The following COMMD5 variants were observed in gnomAD, a reference collection of about 807,000 sequenced individuals.
The protein encoded by COMMD5 is COMM domain-containing protein 5.
In COMMD5, 10 loss-of-function variants were observed where a neutral mutation model predicts 6.9. The observed-to-expected ratio is 1.44, with a 90% confidence interval of 0.89 to 2.45. The LOEUF is 2.45. Among genes scored for constraint, COMMD5 ranks in the 30% most tolerant of loss-of-function variants. The pLI is 0.00. For missense variants in COMMD5, 234 were observed against 287.8 expected (o/e 0.81, Z 1.35); for synonymous variants, 127 against 125.3 (o/e 1.01, Z -0.09).
exon 2 of COMMD5, chr8:144,841,477 G>T: frequency 6.2e-7 from 1 of 1,614,224 alleles, no homozygotes. Context: ...TGGCTTTGGA[G>T]ACGTTTCTGA....
At chr8:144,843,325 T>A (rs2722488) in intron 1 of COMMD5, 4 of 926,634 alleles carry the variant, frequency 4.3e-6, no homozygotes, top group Non-Finnish European at 6.2e-6. Flanking sequence ...TGTGGTGGCT[T>A]ATGCCTGTCA....
At chr8:144,843,061 C>T in intron 1 of COMMD5, 1 of 1,614,134 alleles carries the variant, frequency 6.2e-7, no homozygotes, top group Non-Finnish European at 8.5e-7. Flanking sequence ...CCTAATTATA[C>T]ACCAGAGAAT....
chr8:144,843,180 A>G, intron 1 of COMMD5: 2 of 1,553,466 alleles, frequency 1.3e-6, no homozygotes, highest in Non-Finnish European at 1.7e-6. Flanking sequence ...CCACTTACAT[A>G]TAAATGTGTA....
chr8:144,842,032 G>A, intron 1 of COMMD5: 1 of 1,613,736 alleles, frequency 6.2e-7, no homozygotes, highest in Non-Finnish European at 8.5e-7. Flanking sequence ...CTACAGATGT[G>A]AGGAATGTGG....
exon 2 of COMMD5, chr8:144,841,296 G>C: frequency 6.6e-7 from 1 of 1,517,156 alleles, no homozygotes. Flanking sequence ...CGCATTTGTA[G>C]TCTTATCATT....
chr8:144,842,229 C>G, intron 1 of COMMD5: 1 of 1,614,148 alleles, frequency 6.2e-7, no homozygotes, highest in Non-Finnish European at 8.5e-7. Context: ...TCAGCCAGAG[C>G]TCCACCCTAG....
chr8:144,845,438 G>A (rs576255602), downstream of COMMD5, among the ~76,000 whole-genome samples: 1 of 152,060 alleles, frequency 6.6e-6, no homozygotes, highest in Non-Finnish European at 1.5e-5. Context: ...GGTGGAGCAC[G>A]GTGGGGTTCT....
upstream of COMMD5, chr8:144,853,459 G>A (rs1830844223): frequency 6.6e-6 from 1 of 152,198 alleles, no homozygotes. Context: ...GCGGAGCGGA[G>A]CCGAGCGGGC....
chr8:144,841,805 C>T, intron 1 of COMMD5: 1 of 1,614,164 alleles, frequency 6.2e-7, no homozygotes, highest in Non-Finnish European at 8.5e-7. Context: ...AAAAAGTTAT[C>T]TGACTGCTTG....
downstream of COMMD5, chr8:144,838,292 T>G (rs1023721037): frequency 8.5e-6 from 5 of 585,832 alleles, no homozygotes; most frequent in Middle Eastern, 2.7e-4. Flanking sequence ...CTAATTAATC[T>G]GCAACGACTG....
exon 2 of COMMD5, chr8:144,841,204 G>T (rs1180164055): frequency 6.6e-6 from 5 of 756,542 alleles, no homozygotes; most frequent in Non-Finnish European, 1.1e-5. Context: ...ACTGTCAAAG[G>T]CTCTGCCTTC....
intron 1 of COMMD5, chr8:144,841,899 G>T: frequency 6.2e-7 from 1 of 1,614,114 alleles, no homozygotes; most frequent in Non-Finnish European, 8.5e-7. Context: ...TCTGCTCGCA[G>T]CTTAATCAGC....
chr8:144,845,922 CA>C (rs1186916412), downstream of COMMD5: 1 of 1,505,634 alleles, frequency 6.6e-7, no homozygotes, highest in East Asian at 2.5e-5. Flanking sequence ...TGTGCTTAGC[CA>C]GGTGGTCACC....
chr8:144,841,455 T>C, exon 2 of COMMD5: 1 of 1,614,262 alleles, frequency 6.2e-7, no homozygotes, highest in Non-Finnish European at 8.5e-7. Context: ...CACAGGACTT[T>C]CCTCAGAATC....
At chr8:144,842,522 A>G (rs1830074477) in intron 1 of COMMD5, 2 of 1,614,146 alleles carry the variant, frequency 1.2e-6, no homozygotes, top group South Asian at 2.2e-5. Flanking sequence ...TTTAAATGTG[A>G]TGAGTGTGGC....
At position 144,850,736 on chromosome 8, in the gene COMMD5, C is replaced by G. The variant is rs1299989408; in HGVS notation, c.603G>C (p.Arg201=). 1 of 1,614,092 alleles carries G rather than the reference C, an allele frequency of 6.2e-7. No individual in the cohort carries two copies. The highest frequency in any genetic ancestry group is 1.3e-5 in the African/African-American group (1 of 74,948). Reference sequence around the variant, plus strand: ...CCTTTAGGACCAGGGCCACGCTGTACCGCAGCTCCTGGAACTTGGCTGTGG... The same window carrying G: ...CCTTTAGGACCAGGGCCACGCTGTAGCGCAGCTCCTGGAACTTGGCTGTGG... ...EVPTAKFQEL[R]YSVALVLKEM... is the part of the protein sequence containing the mutation. Residue 201 remains arginine, a synonymous_variant, in exon 2 of 2, where the codon CGG becomes CGC. Coordinates refer to ENST00000305103, the MANE Select transcript of COMMD5 (RefSeq NM_014066.4). The surrounding 1 kb of genome is among the most constrained non-coding windows in gnomAD (Gnocchi z 4.0).
At position 144,843,360 on chromosome 8, in the gene COMMD5, C is replaced by T. The variant is rs182599451; in HGVS notation, c.*117-1617G>A. 272 of 604,536 alleles carry T rather than the reference C, an allele frequency of 4.5e-4. 2 individuals are homozygous for T. The highest frequency in any genetic ancestry group is 2.9e-3 in the Admixed American group (81 of 27,560). The allele number at this position is 604,536 out of a possible 1,614,324, so 37.4% of individuals were successfully genotyped here. A position where few individuals can be genotyped will look rare whatever the true frequency, so the allele number is the denominator to read the frequency against. On this transcript the variant is annotated intron_variant and NMD_transcript_variant, in intron 1 of 1. Transcript: ENST00000530332. ...ATCCCAGCACTTTGGGAGGCCAAGG[C>T]GGGCACATCACGAGGTCAGGAGGTT...
chr8:144,841,297 T>A lies in COMMD5; in HGVS notation c.*563A>T. Reference sequence around the variant, plus strand: ...TGAGCCCTGGCCCCCGCATTTGTAGTCTTATCATTTCTCTGAGCACAGGGC... The same window carrying A: ...TGAGCCCTGGCCCCCGCATTTGTAGACTTATCATTTCTCTGAGCACAGGGC... On this transcript the variant is annotated 3_prime_UTR_variant and NMD_transcript_variant, in exon 2 of 2. Coordinates refer to the COMMD5 transcript ENST00000530332. The A allele has an allele frequency of 2.0e-6, 3 of 1,517,102 alleles. No individual in the cohort carries two copies. The South Asian group carries it at 3.9e-5, about 20-fold the overall frequency. The allele number at this position is 1,517,102 out of a possible 1,614,324, so 94.0% of individuals were successfully genotyped here.
At chr8:144,845,908 G>A (rs527428485), downstream of COMMD5, 1 of 1,455,126 alleles carries the variant, frequency 6.9e-7, no homozygotes, top group Admixed American at 2.1e-5. Flanking sequence ...GTCTTGGCAG[G>A]TAATGTGCTT....
Sources: gnomAD v4.1 joint callset for allele counts (sites outside exome capture counted in the v4.1 genomes callset) on GRCh38, gnomAD v4.1.1 for gene constraint, Gnocchi (gnomAD v3.1) non-coding constraint, MANE v1.5 for transcripts, NCBI Gene and HGNC (gene_info 2026-07-23, HGNC 2026-07-21) for gene names.